The following MYLK4 variants were observed in gnomAD, a reference collection of about 807,000 sequenced individuals.
The protein encoded by MYLK4 is myosin light chain kinase family member 4, also known as caMLCK like.
MYLK4 carries 46 observed loss-of-function variants against 48.1 expected under a neutral mutation model. That is an observed-to-expected ratio of 0.96 (90% CI 0.75 to 1.22). The LOEUF is 1.22. Among genes scored for constraint, MYLK4 ranks in the 50% most tolerant of loss-of-function variants. MYLK4 has a pLI of 0.00. For synonymous variants in MYLK4, 170 were observed against 180.8 expected (o/e 0.94, Z 0.48); for missense variants, 451 against 486.1 (o/e 0.93, Z 0.68).
At chr6:2,762,886 C>T in the MYLK4 span, among the ~76,000 whole-genome samples, 4 of 152,146 alleles carry the variant, frequency 2.6e-5, no homozygotes, top group Non-Finnish European at 4.4e-5. Flanking sequence ...GTCTGACTGC[C>T]TTCAGAAATA....
In MYLK4 at chr6:2,671,364, G is replaced by A; in HGVS notation, c.1120-16C>T. 1 of 1,613,534 alleles carries A rather than the reference G, an allele frequency of 6.2e-7. No homozygotes were observed. The highest frequency in any genetic ancestry group is 8.5e-7 in the Non-Finnish European group (1 of 1,179,524). ...TCTTCTTCTTCTAGGGAAAGCAGAA[G>A]GCATATGGGAAGGATTAGGACTGTT... On this transcript the variant is annotated splice_polypyrimidine_tract_variant and intron_variant, in intron 11 of 12. Coordinates refer to ENST00000274643, the MANE Select transcript of MYLK4 (RefSeq NM_001012418.5).
At position 2,685,398 on chromosome 6, in the gene MYLK4, ACCT is replaced by A; in HGVS notation, c.440_442del (p.Glu147del). ...GTTCATGACGCTGATCTCGTTCTTCACCTCCTCCTGAGAAGCAGGAAACAGTGC... is the reference window on the plus strand; with the variant it reads ...GTTCATGACGCTGATCTCGTTCTTCACCTCCTGAGAAGCAGGAAACAGTGC... On this transcript the variant is annotated inframe_deletion, in exon 6 of 13. Coordinates refer to ENST00000274643, the MANE Select transcript of MYLK4 (RefSeq NM_001012418.5). The surrounding 1 kb of genome is among the most constrained non-coding windows in gnomAD (Gnocchi z 4.5). The A allele has an allele frequency of 1.4e-6, 2 of 1,478,766 alleles. No individual in the cohort carries two copies. The highest frequency in any genetic ancestry group is 1.8e-6 in the Non-Finnish European group (2 of 1,098,852). 91.6% of individuals were successfully genotyped at this position (1,478,766 alleles called of 1,614,324 possible).
chr6:2,697,432 G>A (rs1159215486), intron 2 of MYLK4, among the ~76,000 whole-genome samples: 2 of 152,130 alleles, frequency 1.3e-5, no homozygotes, highest in African/African-American at 2.4e-5. Context: ...TCTTTTCTCC[G>A]TTAACCATTA....
At chr6:2,725,798 C>G (rs188883611) in intron 2 of MYLK4, among the ~76,000 whole-genome samples, 1 of 152,150 alleles carries the variant, frequency 6.6e-6, no homozygotes, top group Non-Finnish European at 1.5e-5. Flanking sequence ...ATTCAAAGTA[C>G]GTCCAAATTT....
At chr6:2,763,399 C>T in the MYLK4 span, among the ~76,000 whole-genome samples, 1 of 152,240 alleles carries the variant, frequency 6.6e-6, no homozygotes, top group African/African-American at 2.4e-5. Flanking sequence ...CAGCGCTTCT[C>T]AGGGAGGCTT....
chr6:2,726,665 T>C (rs977511802), intron 2 of MYLK4, among the ~76,000 whole-genome samples: 53 of 147,448 alleles, frequency 3.6e-4, no homozygotes, highest in Middle Eastern at 7.1e-3. Context: ...CAGGCTGGAG[T>C]GCAGTGGCGG....
intron 2 of MYLK4, among the ~76,000 whole-genome samples, chr6:2,708,462 G>A (rs572173926): frequency 1.3e-4 from 20 of 152,238 alleles, no homozygotes; most frequent in South Asian, 8.3e-4. Flanking sequence ...AAAAAAAATC[G>A]TGGCTCACCT....
the MYLK4 span, chr6:2,768,971 C>G: frequency 7.6e-7 from 1 of 1,324,026 alleles, no homozygotes; most frequent in South Asian, 1.5e-5. Context: ...TAGAGACTTA[C>G]GAGCTTTGTT....
chr6:2,674,389 C>A (rs534990884), intron 11 of MYLK4, among the ~76,000 whole-genome samples: 2 of 152,034 alleles, frequency 1.3e-5, no homozygotes, highest in South Asian at 2.1e-4. Flanking sequence ...GCATATTTCT[C>A]CTGAATGAAC....
chr6:2,671,976 A>G (rs9378340), intron 11 of MYLK4, among the ~76,000 whole-genome samples: 145,543 of 152,236 alleles, frequency 0.96, 69,752 homozygotes, highest in East Asian at 1. Context: ...GGACAATGGG[A>G]AACGCGTGAA....
chr6:2,689,005 C>T (rs577684840), intron 3 of MYLK4, 49 bp from the exon 4 acceptor site: 38 of 1,479,266 alleles, frequency 2.6e-5, no homozygotes, highest in Admixed American at 1.3e-4. Flanking sequence ...AGTCTGACCT[C>T]GTTAAGGCAG....
At position 2,678,225 on chromosome 6, in the gene MYLK4, C is replaced by T. The variant is rs1460064933; in HGVS notation, c.1035G>A (p.Glu345=). ...KEFISKLLIK[E]KSWRISASEA... is the part of the protein sequence containing the mutation. Reference sequence around the variant, plus strand: ...ACAGGACGAACTTGCGTTACCTCTTCTCCTTAATCAGAAGCTTAGAGATGA... The same window carrying T: ...ACAGGACGAACTTGCGTTACCTCTTTTCCTTAATCAGAAGCTTAGAGATGA... The change falls in exon 10 of 13, where the codon GAG becomes GAA. Residue 345 remains glutamate (E), a synonymous_variant. Transcript: ENST00000274643. The T allele has an allele frequency of 1.4e-5, 23 of 1,613,862 alleles. No individual in the cohort carries two copies. The highest frequency in any genetic ancestry group is 1.9e-5 in the Non-Finnish European group (23 of 1,179,956).
At chr6:2,682,851 T>C (rs1761363598) in intron 7 of MYLK4, among the ~76,000 whole-genome samples, 170 bp downstream of exon 7, 1 of 152,068 alleles carries the variant, frequency 6.6e-6, no homozygotes, top group South Asian at 2.1e-4. Context: ...CATGCAAATA[T>C]TAGGGAGTGA....
At chr6:2,765,421 T>G in the MYLK4 span, 2 of 509,840 alleles carry the variant, frequency 3.9e-6, 1 homozygote, top group South Asian at 1.8e-4. Context: ...CGTGAGGCGC[T>G]GCCAGCGGCC....
At chr6:2,731,404 A>G (rs1763474828) in intron 2 of MYLK4, among the ~76,000 whole-genome samples, 1 of 152,170 alleles carries the variant, frequency 6.6e-6, no homozygotes, top group African/African-American at 2.4e-5. Context: ...CTGGTCACTG[A>G]GCCATGGCTG....
the MYLK4 span, chr6:2,765,775 G>C: frequency 6.9e-7 from 1 of 1,456,136 alleles, no homozygotes; most frequent in Non-Finnish European, 9.0e-7. Flanking sequence ...CGGAGCCCGC[G>C]GCCGGGTCGC....
rs537447617 is a variant in MYLK4 at position 2,677,107 on chromosome 6, G to T, written c.1040+1113C>A. 2.3e-4 allele frequency among the ~76,000 whole-genome samples: 35 copies of T among 152,216 alleles called. 1 individual carries two copies. The highest frequency in any genetic ancestry group is 7.9e-4 in the African/African-American group (33 of 41,534). ...GGACTGATACCCCTAGCCTGGCTAG[G>T]TTCTCTTCATCCTCTAAGGATGGCC... On this transcript the variant is annotated intron_variant, in intron 10 of 12. Transcript: ENST00000274643.
At chr6:2,713,164 A>G (rs1762737332) in intron 2 of MYLK4, among the ~76,000 whole-genome samples, 1 of 152,134 alleles carries the variant, frequency 6.6e-6, no homozygotes, top group Admixed American at 6.5e-5. Flanking sequence ...TGAGGTCGGG[A>G]GTTCGAGACC....
intron 2 of MYLK4, among the ~76,000 whole-genome samples, chr6:2,738,654 A>G (rs148154189): frequency 1.8e-3 from 275 of 152,364 alleles, no homozygotes; most frequent in African/African-American, 6.2e-3. Flanking sequence ...GTTTTCATCT[A>G]TCTAGGCTGG....
Sources: gnomAD v4.1 joint callset for allele counts (sites outside exome capture counted in the v4.1 genomes callset) on GRCh38, gnomAD v4.1.1 for gene constraint, Gnocchi (gnomAD v3.1) non-coding constraint, MANE v1.5 for transcripts, NCBI Gene and HGNC (gene_info 2026-07-23, HGNC 2026-07-21) for gene names.